KIAA1614: variants seen among roughly 807,000 people sequenced by gnomAD.
The protein encoded by KIAA1614 is uncharacterized protein KIAA1614.
Under a neutral mutation model 88.7 loss-of-function variants are expected in KIAA1614, and 76 were observed. The ratio of observed to expected loss-of-function variants is 0.86; its 90% CI spans 0.71 to 1.04. The LOEUF is 1.04. KIAA1614 is among the 50% of genes least tolerant of loss of function. The pLI, the probability that KIAA1614 is intolerant of heterozygous loss-of-function variation, is 0.00. For missense variants in KIAA1614, 1,553 were observed against 1,582.5 expected (o/e 0.98, Z 0.32); for synonymous variants, 714 against 675.5 (o/e 1.06, Z -0.88).
chr1:180,938,428 G>C, intron 5 of KIAA1614, 127 bp from the exon 6 acceptor site: 1 of 1,046,658 alleles, frequency 9.6e-7, no homozygotes, highest in East Asian at 2.6e-5. Flanking sequence ...TCTCTCCACT[G>C]CTCTCCTTGA....
intron 4 of KIAA1614, among the ~76,000 whole-genome samples, chr1:180,932,808 T>C (rs1354061524): frequency 6.6e-5 from 10 of 151,870 alleles, no homozygotes; most frequent in Non-Finnish European, 1.5e-4. Flanking sequence ...AGCACGATCT[T>C]GGCTCACCAC....
chr1:180,935,474 G>A lies in KIAA1614; in HGVS notation c.1565G>A (p.Arg522Lys). The A allele has an allele frequency of 2.0e-6, 3 of 1,478,494 alleles. No homozygotes were observed. The highest frequency in any genetic ancestry group is 2.7e-6 in the Non-Finnish European group (3 of 1,120,700). The allele number at this position is 1,478,494 out of a possible 1,614,324, so 91.6% of individuals were successfully genotyped here. The part of the protein sequence containing the change: ...FHRLVGSLDR[R>K]GHPAPPAPGS... ...AGGCTTGTGGGCAGCCTGGACCGCAGGGGACACCCGGCACCGCCGGCACCG... is the reference window on the plus strand; with the variant it reads ...AGGCTTGTGGGCAGCCTGGACCGCAAGGGACACCCGGCACCGCCGGCACCG... Residue 522 changes from arginine to lysine, a missense_variant, in exon 5 of 9, where the codon AGG (arginine) becomes AAG (lysine). By Grantham distance (26) the Arg-to-Lys change is conservative (BLOSUM62 2). Transcript: ENST00000367588. This position sits in a 1 kb window ranked among gnomAD's most constrained non-coding sequence, Gnocchi z 6.1.
rs558409628 is a variant in KIAA1614, at chr1:180,925,833, C to T, written c.1062-2597C>T. On this transcript the variant is annotated intron_variant, in intron 3 of 8. Transcript: ENST00000367588. ...TGAGCTCTTTATAGGCTCTGCCACT[C>T]GGTCAGGGCCAAACATCTGTGGTGG... 3.3e-5 allele frequency among the ~76,000 whole-genome samples: 5 copies of T among 152,178 alleles called. No individual in the cohort carries two copies. The East Asian group carries it at 7.7e-4, about 23-fold the overall frequency.
Position 180,941,161 on chromosome 1 carries a change from C to T in KIAA1614, c.3035C>T (p.Ala1012Val). The T allele has an allele frequency of 6.2e-7, 1 of 1,613,812 alleles. No homozygotes were observed. The highest frequency in any genetic ancestry group is 1.1e-5 in the South Asian group (1 of 91,086). Residue 1012 changes from alanine to valine, a missense_variant, in exon 7 of 9, where the codon GCC (alanine) becomes GTC (valine). By Grantham distance (64) the Ala-to-Val change is moderately conservative. Coordinates refer to ENST00000367588, the MANE Select transcript of KIAA1614 (RefSeq NM_020950.2). ...STLGLKKLFS[A>V]LGQSSRPKLG... ...CTGGGGCTGAAAAAGCTCTTCTCAG[C>T]CCTGGGCCAGAGTTCCCGGCCCAAG... is the stretch of plus-strand genomic sequence containing the variant.
In KIAA1614 at chr1:180,916,971, G is replaced by A. The variant is rs1407404892; in HGVS notation, c.868G>A (p.Val290Ile). Residue 290 changes from valine to isoleucine, a missense_variant, in exon 2 of 9, where the codon GTC becomes ATC. Val to Ile is a conservative substitution (Grantham distance 29). Coordinates refer to ENST00000367588, the MANE Select transcript of KIAA1614 (RefSeq NM_020950.2). ...GGAGGCTCTGGGCGCTGGGAGCAGT[G>A]TCTTGTCCCTGTCTGATCGGGTGGA... Reference protein sequence around the residue: ...DLEALGAGSSVLSLSDRVERN... With the variant: ...DLEALGAGSSILSLSDRVERN... The A allele has an allele frequency of 3.7e-6, 6 of 1,614,082 alleles. No homozygotes were observed. In the African/African-American group the frequency reaches 8.0e-5, roughly 22 times the overall value.
chr1:180,917,739 C>A, intron 2 of KIAA1614, 112 bp from the exon 3 acceptor site: 2 of 865,456 alleles, frequency 2.3e-6, no homozygotes, highest in Admixed American at 1.8e-5. Context: ...TTAGATTTAT[C>A]TGGGGAGTAA....
chr1:180,921,984 G>A (rs1653962287), intron 3 of KIAA1614, among the ~76,000 whole-genome samples: 1 of 152,242 alleles, frequency 6.6e-6, no homozygotes, highest in Non-Finnish European at 1.5e-5. Flanking sequence ...GGGTGTGACA[G>A]TGAGGAGCAC....
Position 180,936,684 on chromosome 1 carries a change from G to T in KIAA1614, c.2761+14G>T. On this transcript the variant is annotated intron_variant, in intron 5 of 8. Coordinates refer to ENST00000367588, the MANE Select transcript of KIAA1614 (RefSeq NM_020950.2). ...ACAGCAGAGATGGTAAGGGGCTGCC[G>T]CTGGTTCCTGCCCAGCCCAGGCCTG... is the stretch of plus-strand genomic sequence containing the variant. The T allele has an allele frequency of 6.9e-7, 1 of 1,459,228 alleles. No individual in the cohort carries two copies. Among genetic ancestry groups the T allele is most frequent in the Non-Finnish European group, 9.1e-7 (1 of 1,103,454 alleles). 90.4% of individuals were successfully genotyped at this position (1,459,228 alleles called of 1,614,324 possible).
Position 180,949,333 on chromosome 1 carries a change from G to C in KIAA1614, c.*3745G>C, listed in dbSNP as rs1280965078. 6.6e-6 allele frequency: 1 copy of C among 152,366 alleles called. No individual in the cohort carries two copies. The highest frequency in any genetic ancestry group is 1.5e-5 in the Non-Finnish European group (1 of 68,114). The allele number at this position is 152,366 out of a possible 1,614,324, so 9.4% of individuals were successfully genotyped here. On this transcript the variant is annotated 3_prime_UTR_variant, in exon 9 of 9. Transcript: ENST00000367588. ...GTGTCTCAGCCCCTGTGTCCACCCA[G>C]CATGAAGCATGGGCATCAGGGGGTC... is the stretch of plus-strand genomic sequence containing the variant.
chr1:180,914,673 C>A (rs981275402), intron 1 of KIAA1614, among the ~76,000 whole-genome samples: 1 of 152,142 alleles, frequency 6.6e-6, no homozygotes, highest in Non-Finnish European at 1.5e-5. Flanking sequence ...CCTCTGCCTC[C>A]CAAGTAGCTG....
chr1:180,942,953 T>A (rs1264511294), intron 7 of KIAA1614, among the ~76,000 whole-genome samples: 4 of 152,176 alleles, frequency 2.6e-5, no homozygotes, highest in African/African-American at 9.7e-5. Flanking sequence ...CCTGCAGTAT[T>A]TGTGACATTC....
In KIAA1614 at chr1:180,916,302, C is replaced by A. The variant is rs1571281035; in HGVS notation, c.199C>A (p.Pro67Thr). The stretch of plus-strand genomic sequence containing the variant: ...AAACAGAACATCCAGCCTGATGGCC[C>A]CCCAGCCTCCCAGGGTATGGGGAGT... ...QENRTSSLMA[P>T]QPPRVWGVQL... The change falls in exon 2 of 9, where the codon CCC becomes ACC. Residue 67 changes from proline (P) to threonine (T), a missense_variant. Pro to Thr is a conservative substitution (Grantham distance 38, BLOSUM62 -1). Coordinates refer to ENST00000367588, the MANE Select transcript of KIAA1614 (RefSeq NM_020950.2). 6.2e-7 allele frequency: 1 copy of A among 1,613,980 alleles called. No homozygotes were observed. Among genetic ancestry groups the A allele is most frequent in the Non-Finnish European group, 8.5e-7 (1 of 1,179,978 alleles).
chr1:180,945,623 C>G lies in KIAA1614; in HGVS notation c.*35C>G, dbSNP rs750269774. 15 of 1,561,540 alleles carry G rather than the reference C, an allele frequency of 9.6e-6. No individual in the cohort carries two copies. The highest frequency in any genetic ancestry group is 1.1e-5 in the Non-Finnish European group (13 of 1,160,864). On this transcript the variant is annotated 3_prime_UTR_variant, in exon 9 of 9. Coordinates refer to ENST00000367588, the MANE Select transcript of KIAA1614 (RefSeq NM_020950.2). The stretch of plus-strand genomic sequence containing the variant: ...CTCTGGGAATTCAGAAAGCCTCTGA[C>G]TACAGGACTAGGCTTCTCCCCTCAG...
chr1:180,920,238 G>T (rs954268499), intron 3 of KIAA1614, among the ~76,000 whole-genome samples: 4 of 152,220 alleles, frequency 2.6e-5, no homozygotes, highest in African/African-American at 9.6e-5. Flanking sequence ...CTCTCTCCCC[G>T]GAGCAGGATG....
At chr1:180,944,196 C>A (rs1231810221) in intron 7 of KIAA1614, 193 bp from the exon 8 acceptor site, 1 of 464,030 alleles carries the variant, frequency 2.2e-6, no homozygotes, top group African/African-American at 2.0e-5. Flanking sequence ...CCCTTGACTC[C>A]TCAGATGGCC....
chr1:180,944,817 G>A (rs1654552029), intron 8 of KIAA1614: 1 of 265,152 alleles, frequency 3.8e-6, no homozygotes, highest in African/African-American at 2.2e-5. Flanking sequence ...AGAAAGTTTA[G>A]AGAGTTTTCT....
chr1:180,917,447 T>G (rs1653844684), intron 2 of KIAA1614, among the ~76,000 whole-genome samples: 1 of 134,746 alleles, frequency 7.4e-6, no homozygotes, highest in Non-Finnish European at 1.7e-5. Context: ...CCCTCACCCC[T>G]TAGTGAGGGC....
At chr1:180,932,103 C>T (rs7511914) in intron 4 of KIAA1614, among the ~76,000 whole-genome samples, 59,976 of 151,910 alleles carry the variant, frequency 0.39, 12,413 homozygotes, top group South Asian at 0.52. Context: ...ACAGGTAGGG[C>T]CCAGAATCCT....
chr1:180,941,125 T>C lies in KIAA1614; in HGVS notation c.2999T>C (p.Ile1000Thr), dbSNP rs565622143. 14 of 1,612,102 alleles carry C rather than the reference T, an allele frequency of 8.7e-6. No homozygotes were observed. The South Asian group carries it at 1.5e-4, about 18-fold the overall frequency. Residue 1000 changes from isoleucine to threonine, a missense_variant, in exon 7 of 9, where the codon ATA (isoleucine) becomes ACA (threonine). Physicochemically the swap from Ile to Thr is moderately conservative, Grantham distance 89 (BLOSUM62 -1). Transcript: ENST00000367588. ...LDQNKKRSSS[I>T]ASTLGLKKLF... ...CAGAACAAGAAAAGGAGCAGCAGCA[T>C]AGCCTCCACCCTGGGGCTGAAAAAG... is the stretch of plus-strand genomic sequence containing the variant.
Sources: allele counts gnomAD v4.1 joint callset (sites outside exome capture counted in the v4.1 genomes callset), GRCh38; gene constraint gnomAD v4.1.1; non-coding constraint Gnocchi (gnomAD v3.1); transcripts MANE v1.5; gene names NCBI Gene and HGNC (gene_info 2026-07-23, HGNC 2026-07-21).